The following HS6ST3 variants were observed in gnomAD, a reference collection of about 807,000 sequenced individuals.
HS6ST3 encodes heparan-sulfate 6-O-sulfotransferase 3.
In HS6ST3, 12 loss-of-function variants were observed where a neutral mutation model predicts 36.7. That is an observed-to-expected ratio of 0.33 (90% CI 0.21 to 0.53). The LOEUF is 0.53. Among genes scored for constraint, HS6ST3 ranks in the 20% least tolerant of loss-of-function variants. The probability of loss-of-function intolerance (pLI) is 0.95; values close to 1 mark genes in which losing one functional copy is unlikely to be tolerated. For synonymous variants in HS6ST3, 240 were observed against 257.5 expected (o/e 0.93, Z 0.65); for missense variants, 584 against 640.9 (o/e 0.91, Z 0.96).
intron 1 of HS6ST3, among the ~76,000 whole-genome samples, chr13:96,123,409 A>C (rs1382273235): frequency 6.6e-6 from 1 of 152,194 alleles, no homozygotes; most frequent in African/African-American, 2.4e-5. Context: ...TAGAGTTTTA[A>C]ATTCAGTGCT....
At chr13:96,487,755 T>C (rs1040272655) in intron 1 of HS6ST3, among the ~76,000 whole-genome samples, 1 of 152,170 alleles carries the variant, frequency 6.6e-6, no homozygotes, top group Non-Finnish European at 1.5e-5. Context: ...TGATTCACAT[T>C]CAGACCATTC....
At chr13:96,431,670 G>T (rs1480289725) in intron 1 of HS6ST3, among the ~76,000 whole-genome samples, 1 of 152,086 alleles carries the variant, frequency 6.6e-6, no homozygotes, top group East Asian at 1.9e-4. Context: ...ATGCTCTTGG[G>T]CTCTGCTTAC....
chr13:96,265,996 C>A (rs1164976643), intron 1 of HS6ST3, among the ~76,000 whole-genome samples: 1 of 151,992 alleles, frequency 6.6e-6, no homozygotes, highest in Non-Finnish European at 1.5e-5. Flanking sequence ...CTGGACTACT[C>A]CATGAAGTAG....
At chr13:96,609,690 A>T (rs2056450764) in intron 1 of HS6ST3, among the ~76,000 whole-genome samples, 1 of 152,244 alleles carries the variant, frequency 6.6e-6, no homozygotes, top group African/African-American at 2.4e-5. Flanking sequence ...TATCTGCAAG[A>T]TCATAGGAAC....
chr13:96,246,849 G>A (rs1054811022), intron 1 of HS6ST3, among the ~76,000 whole-genome samples: 1 of 152,146 alleles, frequency 6.6e-6, no homozygotes, highest in African/African-American at 2.4e-5. Flanking sequence ...GGGCCAGGTA[G>A]TGTAAAAGAT....
chr13:96,556,325 G>T (rs547960098), intron 1 of HS6ST3, among the ~76,000 whole-genome samples: 1 of 152,236 alleles, frequency 6.6e-6, no homozygotes, highest in African/African-American at 2.4e-5. Flanking sequence ...AAGAAACCCC[G>T]CTGGACTTGG....
At chr13:96,409,462 T>C (rs1278146462) in intron 1 of HS6ST3, among the ~76,000 whole-genome samples, 1 of 152,270 alleles carries the variant, frequency 6.6e-6, no homozygotes, top group Non-Finnish European at 1.5e-5. Flanking sequence ...AAATATTTGT[T>C]AAACTTATGA....
At chr13:96,821,431 G>A (rs1878532206) in intron 1 of HS6ST3, among the ~76,000 whole-genome samples, 1 of 152,188 alleles carries the variant, frequency 6.6e-6, no homozygotes. Context: ...CAAGATGATG[G>A]AAGAAACTGC....
intron 1 of HS6ST3, among the ~76,000 whole-genome samples, chr13:96,228,086 T>G (rs569235666): frequency 6.6e-6 from 1 of 152,192 alleles, no homozygotes; most frequent in African/African-American, 2.4e-5. Flanking sequence ...GATCAAGTAG[T>G]AGATATTTCA....
intron 1 of HS6ST3, among the ~76,000 whole-genome samples, chr13:96,831,833 T>C (rs972208851): frequency 6.6e-6 from 1 of 151,684 alleles, no homozygotes; most frequent in Non-Finnish European, 1.5e-5. Flanking sequence ...CAGGTGCCTG[T>C]AATCCCAGCT....
chr13:96,653,516 A>G (rs986963301), intron 1 of HS6ST3, among the ~76,000 whole-genome samples: 1 of 152,148 alleles, frequency 6.6e-6, no homozygotes, highest in African/African-American at 2.4e-5. Context: ...AGCTTCATCC[A>G]TGTCCCTGCA....
chr13:96,658,916 C>G (rs2056636611), intron 1 of HS6ST3, among the ~76,000 whole-genome samples: 1 of 151,512 alleles, frequency 6.6e-6, no homozygotes. Context: ...CCATATTGGT[C>G]TGGTTGGTAT....
At chr13:96,609,896 T>G (rs1216179196) in intron 1 of HS6ST3, among the ~76,000 whole-genome samples, 1 of 152,232 alleles carries the variant, frequency 6.6e-6, no homozygotes, top group Non-Finnish European at 1.5e-5. Flanking sequence ...CCTTAAATCT[T>G]GAGGAAAGCA....
chr13:96,355,224 A>T (rs2055203670), intron 1 of HS6ST3, among the ~76,000 whole-genome samples: 2 of 152,154 alleles, frequency 1.3e-5, no homozygotes, highest in Admixed American at 1.3e-4. Flanking sequence ...GCCATTAAGG[A>T]CATCTGTGAT....
At chr13:96,798,136 A>G (rs1877959334) in intron 1 of HS6ST3, among the ~76,000 whole-genome samples, 1 of 152,054 alleles carries the variant, frequency 6.6e-6, no homozygotes, top group African/African-American at 2.4e-5. Flanking sequence ...ACGGATATAA[A>G]CAAAAGGATA....
chr13:96,217,863 G>T (rs1348185971), intron 1 of HS6ST3, among the ~76,000 whole-genome samples: 3 of 152,104 alleles, frequency 2.0e-5, no homozygotes, highest in Non-Finnish European at 4.4e-5. Context: ...TAAATACATA[G>T]ATGAATGGGT....
intron 1 of HS6ST3, among the ~76,000 whole-genome samples, chr13:96,158,088 A>T (rs1301428442): frequency 6.6e-6 from 1 of 152,194 alleles, no homozygotes; most frequent in Non-Finnish European, 1.5e-5. Context: ...AGCCTCACAA[A>T]GTATGTGACA....
At chr13:96,723,042 T>C (rs1875892123) in intron 1 of HS6ST3, among the ~76,000 whole-genome samples, 1 of 151,038 alleles carries the variant, frequency 6.6e-6, no homozygotes, top group African/African-American at 2.4e-5. Flanking sequence ...ACAACAGTGC[T>C]TAGCCTAAAG....
chr13:96,252,213 G>A (rs756258432), intron 1 of HS6ST3, among the ~76,000 whole-genome samples: 2 of 152,144 alleles, frequency 1.3e-5, no homozygotes, highest in Non-Finnish European at 2.9e-5. Flanking sequence ...TTGAGGTTGG[G>A]TACATGTATA....
Sources: gnomAD v4.1 joint callset for allele counts (sites outside exome capture counted in the v4.1 genomes callset) on GRCh38, gnomAD v4.1.1 for gene constraint, MANE v1.5 for transcripts, NCBI Gene and HGNC (gene_info 2026-07-23, HGNC 2026-07-21) for gene names.